COL5A2: variants seen among roughly 807,000 people sequenced by gnomAD.
COL5A2 encodes collagen type V alpha 2 chain.
In COL5A2, 23 loss-of-function variants were observed where a neutral mutation model predicts 208.2. The observed-to-expected ratio is 0.11, with a 90% CI of 0.08 to 0.16. The LOEUF is 0.16. COL5A2 is among the 10% of genes least tolerant of loss of function. The probability of loss-of-function intolerance (pLI) is 1.00; values close to 1 mark genes in which losing one functional copy is unlikely to be tolerated. For missense variants in COL5A2, 1,590 were observed against 1,956.4 expected, an observed-to-expected ratio of 0.81 and a Z score of 3.53; for synonymous variants, 625 against 628.5, an observed-to-expected ratio of 0.99 and a Z score of 0.08.
At chr2:189,435,392 C>T in the COL5A2 span, among the ~76,000 whole-genome samples, 2 of 152,058 alleles carry the variant, frequency 1.3e-5, no homozygotes, top group Non-Finnish European at 2.9e-5. Flanking sequence ...AACAGGCAAC[C>T]TACAGAATGG....
At chr2:189,386,420 G>C in the COL5A2 span, among the ~76,000 whole-genome samples, 1 of 152,022 alleles carries the variant, frequency 6.6e-6, no homozygotes, top group African/African-American at 2.4e-5. Flanking sequence ...ATTGGCATTG[G>C]CAAATAATTT....
chr2:189,071,533 G>A (rs1022969090), intron 18 of COL5A2, among the ~76,000 whole-genome samples: 6 of 152,116 alleles, frequency 3.9e-5, no homozygotes, highest in Admixed American at 2.0e-4. Context: ...AATATTCTCC[G>A]TGCCCACTCC....
the COL5A2 span, among the ~76,000 whole-genome samples, chr2:189,376,258 T>C: frequency 6.6e-6 from 1 of 152,206 alleles, no homozygotes. Context: ...TATCCTTTTA[T>C]TGCCTCACTA....
At chr2:189,179,439 G>A (rs1688741847) in intron 1 of COL5A2, 69 bp downstream of exon 1, 1 of 1,540,164 alleles carries the variant, frequency 6.5e-7, no homozygotes, top group South Asian at 1.2e-5. Flanking sequence ...CTCTTCCTGA[G>A]GCTTAACATT....
upstream of COL5A2, among the ~76,000 whole-genome samples, chr2:189,180,035 G>C (rs995234350): frequency 2.0e-5 from 3 of 151,966 alleles, no homozygotes; most frequent in Admixed American, 6.6e-5. Flanking sequence ...AGAAGAAAAG[G>C]GTTCTATTTT....
the COL5A2 span, among the ~76,000 whole-genome samples, chr2:189,286,024 T>C: frequency 2.6e-5 from 4 of 152,052 alleles, no homozygotes; most frequent in Middle Eastern, 3.2e-3. Context: ...TATCTAATTA[T>C]ACTTTGAAAT....
chr2:189,227,561 A>C (rs918435468), upstream of COL5A2, among the ~76,000 whole-genome samples: 2 of 152,164 alleles, frequency 1.3e-5, no homozygotes, highest in African/African-American at 4.8e-5. Context: ...ACAAAACAGA[A>C]GTAGCCATAC....
the COL5A2 span, among the ~76,000 whole-genome samples, chr2:189,343,130 T>C: frequency 6.6e-6 from 1 of 152,224 alleles, no homozygotes; most frequent in Non-Finnish European, 1.5e-5. Flanking sequence ...AGACAATGTA[T>C]GACATGCTTG....
chr2:189,172,853 TA>T (rs1239090427), intron 1 of COL5A2, among the ~76,000 whole-genome samples: 169 of 137,862 alleles, frequency 1.2e-3, no homozygotes, highest in Admixed American at 1.7e-3. Flanking sequence ...ATCCTAAACT[TA>T]AAAAAAAAAA....
chr2:189,252,547 G>C, the COL5A2 span, among the ~76,000 whole-genome samples: 15 of 152,000 alleles, frequency 9.9e-5, no homozygotes, highest in Admixed American at 2.6e-4. Flanking sequence ...TCACTCACAG[G>C]TGGGAATTGA....
At chr2:189,216,400 C>T (rs565538407) in intron 1 of COL5A2, among the ~76,000 whole-genome samples, 64 of 152,122 alleles carry the variant, frequency 4.2e-4, no homozygotes, top group African/African-American at 1.5e-3. Context: ...AACTCACTAA[C>T]TCATTCATTC....
chr2:189,227,804 A>G (rs1317078691), upstream of COL5A2, among the ~76,000 whole-genome samples: 1 of 152,070 alleles, frequency 6.6e-6, no homozygotes, highest in Admixed American at 6.6e-5. Context: ...TGGAATATCC[A>G]GACAGAAGAT....
At chr2:189,317,889 A>T in the COL5A2 span, among the ~76,000 whole-genome samples, 1 of 152,208 alleles carries the variant, frequency 6.6e-6, no homozygotes, top group Non-Finnish European at 1.5e-5. Context: ...GGTATTCAAA[A>T]TTATTTGACT....
the COL5A2 span, among the ~76,000 whole-genome samples, chr2:189,386,272 A>G: frequency 6.6e-6 from 1 of 152,202 alleles, no homozygotes; most frequent in Non-Finnish European, 1.5e-5. Context: ...CTGGCTACCC[A>G]TATGCAGAAG....
At chr2:189,141,662 G>A (rs1251366869) in intron 1 of COL5A2, among the ~76,000 whole-genome samples, 3 of 152,198 alleles carry the variant, frequency 2.0e-5, no homozygotes, top group South Asian at 2.1e-4. Flanking sequence ...AACTTCCCCC[G>A]AATTCTTGAA....
the COL5A2 span, among the ~76,000 whole-genome samples, chr2:189,278,091 C>T: frequency 1.1e-4 from 16 of 152,042 alleles, no homozygotes; most frequent in Admixed American, 2.6e-4. Flanking sequence ...ACTGCTAAGT[C>T]GCTACAAAAC....
At chr2:189,299,498 T>C in the COL5A2 span, among the ~76,000 whole-genome samples, 2 of 152,176 alleles carry the variant, frequency 1.3e-5, no homozygotes, top group Non-Finnish European at 2.9e-5. Context: ...ATTCTGCCTA[T>C]AATTCGTGGG....
upstream of COL5A2, among the ~76,000 whole-genome samples, chr2:189,228,256 GA>G (rs1011865501): frequency 2.0e-5 from 3 of 149,016 alleles, no homozygotes; most frequent in African/African-American, 7.4e-5. Flanking sequence ...AGTAGAAATA[GA>G]AAAAAAAGCT....
At chr2:189,261,029 T>G in the COL5A2 span, among the ~76,000 whole-genome samples, 1 of 152,192 alleles carries the variant, frequency 6.6e-6, no homozygotes, top group African/African-American at 2.4e-5. Flanking sequence ...TTTATTTCAT[T>G]ATAAAAATGT....
Sources: allele counts gnomAD v4.1 joint callset (sites outside exome capture counted in the v4.1 genomes callset), GRCh38; gene constraint gnomAD v4.1.1; transcripts MANE v1.5; gene names NCBI Gene and HGNC (gene_info 2026-07-23, HGNC 2026-07-21).